Variants in DIPK1A observed in about 807,000 individuals in gnomAD.
DIPK1A encodes the protein divergent protein kinase domain 1A.
Under a neutral mutation model 40.8 loss-of-function variants are expected in DIPK1A, and 27 were observed. The observed-to-expected ratio is 0.66, with a 90% confidence interval of 0.49 to 0.91. The LOEUF is 0.91. DIPK1A is among the 40% of genes least tolerant of loss of function. The probability of loss-of-function intolerance (pLI) is 0.00; values close to 1 mark genes in which losing one functional copy is unlikely to be tolerated. For synonymous variants in DIPK1A, 166 were observed against 171.3 expected (o/e 0.97, Z 0.24); for missense variants, 412 against 505.7 (o/e 0.81, Z 1.78).
intron 1 of DIPK1A, among the ~76,000 whole-genome samples, chr1:92,916,473 C>T (rs1191250296): frequency 6.6e-6 from 1 of 151,666 alleles, no homozygotes; most frequent in Non-Finnish European, 1.5e-5. Flanking sequence ...AGCTAATTTT[C>T]AGATGTTTAG....
chr1:92,933,388 C>A (rs974150942), intron 1 of DIPK1A: 2 of 152,080 alleles, frequency 1.3e-5, no homozygotes. Flanking sequence ...AATGCCATAA[C>A]AAAGTAAAGT....
At chr1:92,889,459 G>T (rs1447480346) in intron 1 of DIPK1A, among the ~76,000 whole-genome samples, 2 of 151,966 alleles carry the variant, frequency 1.3e-5, no homozygotes, top group African/African-American at 2.4e-5. Flanking sequence ...TTTTTCTCAG[G>T]ATTACTTTGG....
At chr1:92,922,593 C>T (rs183434501) in intron 1 of DIPK1A, among the ~76,000 whole-genome samples, 15 of 152,240 alleles carry the variant, frequency 9.9e-5, no homozygotes, top group East Asian at 3.9e-4. Flanking sequence ...TCTAAGAACT[C>T]GGGAGGGCCC....
chr1:92,869,934 A>G (rs1025076733), intron 2 of DIPK1A, among the ~76,000 whole-genome samples: 3 of 152,152 alleles, frequency 2.0e-5, no homozygotes, highest in Non-Finnish European at 4.4e-5. Flanking sequence ...TGAAATGGCC[A>G]GGTAATTACT....
chr1:92,833,680 G>C, intron 4 of DIPK1A: 1 of 1,583,238 alleles, frequency 6.3e-7, no homozygotes, highest in Non-Finnish European at 8.7e-7. Context: ...ATTCTAGACA[G>C]TCCCCTTTTT....
intron 2 of DIPK1A, among the ~76,000 whole-genome samples, chr1:92,869,165 T>TATC (rs1280344814): frequency 1.3e-5 from 2 of 150,634 alleles, no homozygotes; most frequent in Non-Finnish European, 3.0e-5. Context: ...TTATTATTAT[T>TATC]ATTATTATTA....
intron 1 of DIPK1A, among the ~76,000 whole-genome samples, chr1:92,912,513 A>G (rs561478997): frequency 1.3e-5 from 2 of 152,318 alleles, no homozygotes; most frequent in Admixed American, 6.5e-5. Flanking sequence ...CTAAAGTGTT[A>G]TATGAATATA....
chr1:92,869,783 C>T (rs745800786), intron 2 of DIPK1A, among the ~76,000 whole-genome samples: 8 of 151,938 alleles, frequency 5.3e-5, no homozygotes, highest in South Asian at 2.1e-4. Flanking sequence ...TTTTATTATA[C>T]GCTTTGGTTC....
chr1:92,943,792 T>C (rs2100896496), intron 1 of DIPK1A, among the ~76,000 whole-genome samples: 1 of 152,322 alleles, frequency 6.6e-6, no homozygotes, highest in African/African-American at 2.4e-5. Context: ...ACAGACTAAC[T>C]TTTAAAACAG....
chr1:92,887,153 C>G (rs1648640762), intron 1 of DIPK1A, among the ~76,000 whole-genome samples: 1 of 150,164 alleles, frequency 6.7e-6, no homozygotes, highest in Non-Finnish European at 1.5e-5. Flanking sequence ...TGTAGTGGCT[C>G]ACACCTGTAA....
intron 2 of DIPK1A, among the ~76,000 whole-genome samples, chr1:92,851,542 C>CAAAAAAAA (rs59664439): frequency 0.15 from 5,188 of 34,496 alleles, 1,500 homozygotes; most frequent in South Asian, 0.22. Context: ...GACCCTATCT[C>CAAAAAAAA]AAAAAAAAAA....
intron 1 of DIPK1A, among the ~76,000 whole-genome samples, chr1:92,960,995 A>G (rs1557503255): frequency 6.6e-6 from 1 of 152,216 alleles, no homozygotes; most frequent in Admixed American, 6.5e-5. Flanking sequence ...GAAAGCCCCG[A>G]AAACACCAGG....
At chr1:92,945,064 A>G (rs1651308771) in intron 1 of DIPK1A, among the ~76,000 whole-genome samples, 1 of 152,152 alleles carries the variant, frequency 6.6e-6, no homozygotes, top group Non-Finnish European at 1.5e-5. Flanking sequence ...CCAACCAATG[A>G]GAAGAAGAGA....
At chr1:92,952,805 T>C (rs1382370660) in intron 1 of DIPK1A, among the ~76,000 whole-genome samples, 2 of 151,742 alleles carry the variant, frequency 1.3e-5, no homozygotes, top group Non-Finnish European at 2.9e-5. Context: ...GAAAGGTACA[T>C]AGGATGGCAG....
chr1:92,912,217 C>T (rs963387224), intron 1 of DIPK1A, among the ~76,000 whole-genome samples: 2 of 151,726 alleles, frequency 1.3e-5, no homozygotes, highest in African/African-American at 4.8e-5. Flanking sequence ...TGAAATGTAT[C>T]GATATAAGGA....
At position 92,916,719 on chromosome 1, in the gene DIPK1A, T is replaced by G. The variant is rs535986165; in HGVS notation, c.55-40289A>C. 1.6e-4 allele frequency among the ~76,000 whole-genome samples: 24 copies of G among 152,358 alleles called. 2 individuals are homozygous for G. In the East Asian group the frequency reaches 4.0e-3, roughly 26 times the overall value. ...GAGGCCATTCCAGTATCATTTACCCTGATAATGTTCATTTTTATAAGTCTC... is the reference window on the plus strand; with the variant it reads ...GAGGCCATTCCAGTATCATTTACCCGGATAATGTTCATTTTTATAAGTCTC... On this transcript the variant is annotated intron_variant, in intron 1 of 4. Coordinates refer to ENST00000370310, the MANE Select transcript of DIPK1A (RefSeq NM_001006605.5).
rs866286032 is a variant in DIPK1A, at chr1:92,929,485, C to T, written c.54+31891G>A. 5.9e-5 allele frequency among the ~76,000 whole-genome samples: 9 copies of T among 152,182 alleles called. No individual in the cohort carries two copies. In the South Asian group the frequency reaches 6.2e-4, roughly 11 times the overall value. On this transcript the variant is annotated intron_variant, in intron 1 of 4. Transcript: ENST00000370310. ...TCTTTCTGCATCTCCTCCCCTTCCACGATTTTTTGCCAAAGTTTCTGGCTG... is the reference window on the plus strand; with the variant it reads ...TCTTTCTGCATCTCCTCCCCTTCCATGATTTTTTGCCAAAGTTTCTGGCTG...
At chr1:92,847,636 A>G (rs1687683429) in intron 3 of DIPK1A, among the ~76,000 whole-genome samples, 1 of 152,214 alleles carries the variant, frequency 6.6e-6, no homozygotes, top group Admixed American at 6.5e-5. Flanking sequence ...AAGTTCCCAG[A>G]CATTCTACTT....
intron 1 of DIPK1A, among the ~76,000 whole-genome samples, chr1:92,961,128 A>G (rs1183691564): frequency 6.6e-6 from 1 of 151,392 alleles, no homozygotes; most frequent in Non-Finnish European, 1.5e-5. Flanking sequence ...CCCGGGCGGG[A>G]CGACTCGGGC....
Sources: gnomAD v4.1 joint callset for allele counts (sites outside exome capture counted in the v4.1 genomes callset) on GRCh38, gnomAD v4.1.1 for gene constraint, MANE v1.5 for transcripts, NCBI Gene and HGNC (gene_info 2026-07-23, HGNC 2026-07-21) for gene names.